The following AFF3 variants were observed in gnomAD, a reference collection of about 807,000 sequenced individuals.
The protein encoded by AFF3 is AF4/FMR2 family member 3.
AFF3 carries 32 observed loss-of-function variants against 129.7 expected under a neutral mutation model. The ratio of observed to expected loss-of-function variants is 0.25; its 90% CI spans 0.19 to 0.33. The LOEUF (loss-of-function observed/expected upper bound fraction) is 0.33, where lower values mean the gene tolerates loss of function less well. Among genes scored for constraint, AFF3 ranks in the 10% least tolerant of loss-of-function variants. The probability of loss-of-function intolerance (pLI) is 1.00; values close to 1 mark genes in which losing one functional copy is unlikely to be tolerated. For synonymous variants in AFF3, 644 were observed against 635.4 expected (o/e 1.01, Z -0.20); for missense variants, 1,373 against 1,592.0 (o/e 0.86, Z 2.34).
chr2:99,943,432 A>G (rs1271539138), intron 7 of AFF3, among the ~76,000 whole-genome samples: 1 of 152,226 alleles, frequency 6.6e-6, no homozygotes, highest in African/African-American at 2.4e-5. Flanking sequence ...GGAATGCACT[A>G]GTCACAGAAT....
rs542748237 is a variant in AFF3 at position 99,582,582 on chromosome 2, G to A, written c.2793+216C>T. Among the ~76,000 whole-genome samples the A allele has an allele frequency of 3.3e-5, 5 of 152,312 alleles. No homozygotes were observed. The East Asian group carries it at 5.8e-4, about 18-fold the overall frequency. Reference sequence around the variant, plus strand: ...AAAATAAAATCTTGCCTAAGCAACCGAGGGTTAGAACTCTCCCTCAGGGTT... The same window carrying A: ...AAAATAAAATCTTGCCTAAGCAACCAAGGGTTAGAACTCTCCCTCAGGGTT... On this transcript the variant is annotated intron_variant, in intron 17 of 24. Coordinates refer to ENST00000672756, the MANE Select transcript of AFF3 (RefSeq NM_001386135.1).
intron 7 of AFF3, among the ~76,000 whole-genome samples, chr2:99,839,995 T>C (rs1311469839): frequency 6.6e-6 from 1 of 152,276 alleles, no homozygotes; most frequent in Non-Finnish European, 1.5e-5. Flanking sequence ...TCAAGCACTT[T>C]GCCCATGTTG....
intron 7 of AFF3, among the ~76,000 whole-genome samples, chr2:99,947,552 AG>A (rs1559000038): frequency 7.0e-5 from 10 of 142,934 alleles, no homozygotes; most frequent in African/African-American, 2.8e-4. Context: ...AGAGAAAGAA[AG>A]AGAGAGAAAG....
chr2:99,877,006 A>G (rs1222179216), intron 7 of AFF3, among the ~76,000 whole-genome samples: 1 of 152,144 alleles, frequency 6.6e-6, no homozygotes, highest in Non-Finnish European at 1.5e-5. Context: ...TGCTGGACAT[A>G]AGGGCAGGTT....
intron 11 of AFF3, among the ~76,000 whole-genome samples, chr2:99,689,425 C>T (rs1675381685): frequency 6.6e-6 from 1 of 152,116 alleles, no homozygotes; most frequent in Non-Finnish European, 1.5e-5. Flanking sequence ...TTATTACTCA[C>T]TCCTCAAAGA....
At chr2:99,634,964 TACACACACACACACACACACACAC>T (rs201362666) in intron 13 of AFF3, among the ~76,000 whole-genome samples, 2 of 137,710 alleles carry the variant, frequency 1.5e-5, no homozygotes, top group African/African-American at 2.7e-5. Context: ...GATTCTGTCA[TACACACACACACACACACACACAC>T]ACACACACAC....
chr2:100,003,863 A>C (rs1681684909), intron 7 of AFF3, among the ~76,000 whole-genome samples: 1 of 152,174 alleles, frequency 6.6e-6, no homozygotes, highest in Non-Finnish European at 1.5e-5. Flanking sequence ...CTAAAAGGCC[A>C]ATTTTAAACT....
intron 8 of AFF3, among the ~76,000 whole-genome samples, chr2:99,807,629 A>G (rs1344781942): frequency 6.6e-6 from 1 of 152,220 alleles, no homozygotes; most frequent in Non-Finnish European, 1.5e-5. Context: ...GACATCTGGT[A>G]AAATAAGGCA....
chr2:99,567,963 T>C (rs1676129242), intron 19 of AFF3, among the ~76,000 whole-genome samples: 2 of 152,222 alleles, frequency 1.3e-5, no homozygotes, highest in South Asian at 2.1e-4. Context: ...GAGCTGTACC[T>C]TCCGCTGCCC....
intron 2 of AFF3, among the ~76,000 whole-genome samples, chr2:100,107,677 G>A (rs529922146): frequency 4.6e-5 from 7 of 152,228 alleles, no homozygotes; most frequent in Non-Finnish European, 7.4e-5. Context: ...TTGGCTTCCC[G>A]GGTCAGGTTG....
chr2:100,112,905 T>C (rs1361677512), intron 2 of AFF3, among the ~76,000 whole-genome samples: 1 of 152,242 alleles, frequency 6.6e-6, no homozygotes, highest in South Asian at 2.1e-4. Context: ...TGATGCTTAT[T>C]ATAATTCCAT....
intron 18 of AFF3, among the ~76,000 whole-genome samples, chr2:99,571,084 C>G (rs779032323): frequency 1.3e-5 from 2 of 152,216 alleles, no homozygotes; most frequent in African/African-American, 4.8e-5. Context: ...CTTCTTTGAT[C>G]TTTCCCACCC....
intron 4 of AFF3, among the ~76,000 whole-genome samples, chr2:100,066,117 T>C (rs1687698392): frequency 6.6e-6 from 1 of 152,164 alleles, no homozygotes. Context: ...CCCCTCCCCC[T>C]GCCAGATATT....
intron 13 of AFF3, among the ~76,000 whole-genome samples, chr2:99,616,398 G>A (rs1681435463): frequency 6.6e-6 from 1 of 151,708 alleles, no homozygotes; most frequent in South Asian, 2.1e-4. Flanking sequence ...CCCCTTTAAA[G>A]TATATAATTC....
intron 13 of AFF3, among the ~76,000 whole-genome samples, chr2:99,621,825 G>T (rs1202325976): frequency 6.6e-6 from 1 of 152,102 alleles, no homozygotes; most frequent in South Asian, 2.1e-4. Context: ...AAAGAGAGAA[G>T]GGGGCAAGCT....
At chr2:99,580,089 C>T (rs775609435) in intron 17 of AFF3, among the ~76,000 whole-genome samples, 1 of 152,100 alleles carries the variant, frequency 6.6e-6, no homozygotes, top group Non-Finnish European at 1.5e-5. Context: ...GCCAAGTGGC[C>T]CCTCAGCCAT....
chr2:99,988,362 C>T (rs535102279), intron 7 of AFF3, among the ~76,000 whole-genome samples: 2 of 152,260 alleles, frequency 1.3e-5, no homozygotes, highest in African/African-American at 2.4e-5. Context: ...GCAAAGTGCA[C>T]AGCATGTTAG....
At chr2:99,707,594 C>A (rs1677522830) in intron 11 of AFF3, 1 of 984,700 alleles carries the variant, frequency 1.0e-6, no homozygotes, top group Admixed American at 6.2e-5. Flanking sequence ...AATTAATAAA[C>A]AAGTTGTGGT....
At chr2:99,748,530 G>A (rs1473818574) in intron 9 of AFF3, among the ~76,000 whole-genome samples, 1 of 152,122 alleles carries the variant, frequency 6.6e-6, no homozygotes, top group Non-Finnish European at 1.5e-5. Context: ...ACTTCCAGCT[G>A]TGTATCCTGT....
Sources: gnomAD v4.1 joint callset for allele counts (sites outside exome capture counted in the v4.1 genomes callset) on GRCh38, gnomAD v4.1.1 for gene constraint, MANE v1.5 for transcripts, NCBI Gene and HGNC (gene_info 2026-07-23, HGNC 2026-07-21) for gene names.